Variants in AMD1 observed in about 807,000 individuals in gnomAD.
AMD1 encodes S-adenosylmethionine decarboxylase proenzyme.
Under a neutral mutation model 40.2 loss-of-function variants are expected in AMD1, and 11 were observed. The observed-to-expected ratio is 0.27, with a 90% CI of 0.17 to 0.45. AMD1 has a LOEUF of 0.45. Among genes scored for constraint, AMD1 ranks in the 20% least tolerant of loss-of-function variants. The pLI, the probability that AMD1 is intolerant of heterozygous loss-of-function variation, is 1.00. For synonymous variants in AMD1, 121 were observed against 130.8 expected (o/e 0.93, Z 0.51); for missense variants, 257 against 410.2 (o/e 0.63, Z 3.23).
intron 1 of AMD1, among the ~76,000 whole-genome samples, chr6:110,879,199 G>C (rs1785272367): frequency 6.6e-6 from 1 of 152,100 alleles, no homozygotes; most frequent in Non-Finnish European, 1.5e-5. Flanking sequence ...AAAATTATCT[G>C]TGCGTGCTGG....
the AMD1 span, among the ~76,000 whole-genome samples, chr6:110,818,532 A>G: frequency 2.7e-5 from 4 of 146,428 alleles, no homozygotes; most frequent in Non-Finnish European, 5.9e-5. Flanking sequence ...ATTTATATAT[A>G]TATTTATTTA....
At chr6:110,824,281 G>T in the AMD1 span, among the ~76,000 whole-genome samples, 2 of 152,168 alleles carry the variant, frequency 1.3e-5, no homozygotes, top group African/African-American at 4.8e-5. Context: ...GAACTTGGAT[G>T]GGGCTGGAGG....
chr6:110,839,446 AC>A, the AMD1 span, among the ~76,000 whole-genome samples: 2 of 151,988 alleles, frequency 1.3e-5, no homozygotes, highest in Non-Finnish European at 2.9e-5. Flanking sequence ...CATGGTGAAA[AC>A]CTGTCTCTAC....
rs1335051364 is a variant in AMD1 at position 110,887,583 on chromosome 6, T to G, written c.189T>G (p.Tyr63Ter). 1 of 1,606,096 alleles carries G rather than the reference T, an allele frequency of 6.2e-7. No homozygotes were observed. Among genetic ancestry groups the G allele is most frequent in the Non-Finnish European group, 8.5e-7 (1 of 1,176,898 alleles). The change falls in exon 2 of 9, where the codon TAT becomes TAG. Residue 63 changes from tyrosine (Y) to a stop codon, truncating the protein, a stop_gained. Coordinates refer to ENST00000368885, the MANE Select transcript of AMD1 (RefSeq NM_001634.6). LOFTEE classifies it high-confidence loss of function. ...SVTKTDKQEA[Y>*]VLSESSMFVS... Reference sequence around the variant, plus strand: ...CAAAAACTGACAAGCAGGAAGCTTATGTACTCAGGTAAGTCCTGTAAAACA... The same window carrying G: ...CAAAAACTGACAAGCAGGAAGCTTAGGTACTCAGGTAAGTCCTGTAAAACA...
At chr6:110,847,842 G>C in the AMD1 span, among the ~76,000 whole-genome samples, 1 of 151,612 alleles carries the variant, frequency 6.6e-6, no homozygotes, top group African/African-American at 2.4e-5. Context: ...CTCCTGAGTA[G>C]CTGGGATTAC....
chr6:110,859,014 G>T, the AMD1 span: 48 of 1,195,128 alleles, frequency 4.0e-5, no homozygotes, highest in Admixed American at 2.6e-4. Context: ...CCAGGTCTTT[G>T]GCCTGGGCCG....
chr6:110,873,313 G>A (rs546888478), upstream of AMD1, among the ~76,000 whole-genome samples: 91 of 152,312 alleles, frequency 6.0e-4, no homozygotes, highest in African/African-American at 2.1e-3. Context: ...GCAGTGAGCC[G>A]AGATCACGCC....
chr6:110,849,817 C>T, the AMD1 span, among the ~76,000 whole-genome samples: 1 of 152,050 alleles, frequency 6.6e-6, no homozygotes, highest in South Asian at 2.1e-4. Context: ...CCCGTGAGTT[C>T]AAGACCAGCC....
the AMD1 span, among the ~76,000 whole-genome samples, chr6:110,837,643 G>A: frequency 2.0e-4 from 28 of 140,658 alleles, no homozygotes; most frequent in African/African-American, 6.6e-4. Context: ...CTCAGGAGGC[G>A]GAGGTTGCAG....
chr6:110,854,456 T>TA, the AMD1 span, among the ~76,000 whole-genome samples: 1 of 146,880 alleles, frequency 6.8e-6, no homozygotes, highest in Non-Finnish European at 1.5e-5. Context: ...TCTTTCTTTC[T>TA]TTTTTTTTTT....
intron 1 of AMD1, 125 bp downstream of exon 1, chr6:110,875,340 C>A: frequency 2.5e-6 from 2 of 800,272 alleles, no homozygotes; most frequent in Non-Finnish European, 2.0e-6. Context: ...GGCCTGGGGT[C>A]GCTTCGGCGG....
chr6:110,866,938 C>T, the AMD1 span, among the ~76,000 whole-genome samples: 3 of 151,986 alleles, frequency 2.0e-5, no homozygotes, highest in Admixed American at 6.6e-5. Context: ...CTCAGCCTCC[C>T]GAGTAGCTGG....
the AMD1 span, among the ~76,000 whole-genome samples, chr6:110,851,699 C>T: frequency 5.3e-5 from 8 of 151,980 alleles, no homozygotes; most frequent in Non-Finnish European, 1.0e-4. Flanking sequence ...TGACCTCAAG[C>T]GATTTGCCCA....
At chr6:110,829,752 A>G in the AMD1 span, among the ~76,000 whole-genome samples, 1 of 152,056 alleles carries the variant, frequency 6.6e-6, no homozygotes, top group Non-Finnish European at 1.5e-5. Context: ...AGGCTGAGGT[A>G]GGAGAATCAC....
the AMD1 span, among the ~76,000 whole-genome samples, chr6:110,839,258 A>G: frequency 5.3e-5 from 8 of 152,224 alleles, no homozygotes; most frequent in Non-Finnish European, 7.3e-5. Flanking sequence ...AAAAAAAGTT[A>G]TTCTCTCTAG....
chr6:110,852,573 C>G, the AMD1 span, among the ~76,000 whole-genome samples: 1 of 152,094 alleles, frequency 6.6e-6, no homozygotes, highest in Non-Finnish European at 1.5e-5. Flanking sequence ...TCCTGGTCAC[C>G]TCCTTCAACA....
rs1354180884 is a variant in AMD1 at position 110,893,023 on chromosome 6, C to G, written c.822C>G (p.Val274=). ...ACCTGATCAGGAAAGTTGTAGAAGT[C>G]TTCAAGCCAGGAAAATTTGTGACCA... ...YDDLIRKVVE[V]FKPGKFVTTL... is the part of the protein sequence containing the mutation. Residue 274 remains valine, a synonymous_variant, in exon 8 of 9, where the codon GTC becomes GTG. Transcript: ENST00000368885. 1 of 1,611,344 alleles carries G rather than the reference C, an allele frequency of 6.2e-7. No individual in the cohort carries two copies. Among genetic ancestry groups the G allele is most frequent in the South Asian group, 1.1e-5 (1 of 90,042 alleles).
At chr6:110,872,888 A>T (rs1158053755), upstream of AMD1, among the ~76,000 whole-genome samples, 1 of 152,206 alleles carries the variant, frequency 6.6e-6, no homozygotes, top group Admixed American at 6.5e-5. Context: ...TTTATACCAC[A>T]ATTAGTGTTT....
the AMD1 span, chr6:110,815,033 A>G: frequency 6.2e-7 from 1 of 1,603,952 alleles, no homozygotes; most frequent in Non-Finnish European, 8.5e-7. Flanking sequence ...CGCCTTGTAG[A>G]CGTGACCGTA....
Sources: allele counts gnomAD v4.1 joint callset (sites outside exome capture counted in the v4.1 genomes callset), GRCh38; gene constraint gnomAD v4.1.1; transcripts MANE v1.5; gene names NCBI Gene and HGNC (gene_info 2026-07-23, HGNC 2026-07-21).